Variants in ZMYM4 observed in about 807,000 individuals in gnomAD.
ZMYM4 encodes the protein zinc finger MYM-type containing 4, also known as zinc finger MYM-type protein 4.
A neutral mutation model predicts 183.2 loss-of-function variants in ZMYM4; 31 were observed. That is an observed-to-expected ratio of 0.17 (90% confidence interval 0.13 to 0.23). The LOEUF (loss-of-function observed/expected upper bound fraction) is 0.23. Among genes scored for constraint, ZMYM4 ranks in the 10% least tolerant of loss-of-function variants. ZMYM4 has a pLI of 1.00. For synonymous variants in ZMYM4, 592 were observed against 631.2 expected (o/e 0.94, Z 0.93); for missense variants, 1,273 against 1,840.3 (o/e 0.69, Z 5.64).
chr1:35,356,885 A>G (rs891596387), intron 2 of ZMYM4, among the ~76,000 whole-genome samples: 2 of 151,916 alleles, frequency 1.3e-5, no homozygotes, highest in African/African-American at 4.8e-5. Context: ...AAGCTCAGAA[A>G]AAAAAAAGAA....
At position 35,405,441 on chromosome 1, in the gene ZMYM4, C is replaced by A; in HGVS notation, c.3769C>A (p.Gln1257Lys). The A allele has an allele frequency of 6.2e-7, 1 of 1,612,322 alleles. No homozygotes were observed. The highest frequency in any genetic ancestry group is 1.1e-5 in the South Asian group (1 of 90,626). The change falls in exon 25 of 30, where the codon CAA becomes AAA. Residue 1257 changes from glutamine to lysine, a missense_variant. Physicochemically the swap from Gln to Lys is moderately conservative, Grantham distance 53. Transcript: ENST00000314607. ...LGSTQDHALSQESSEPGCRVR... is the reference protein window; with the variant it reads ...LGSTQDHALSKESSEPGCRVR... ...AAGTACTCAAGACCATGCACTCTCT[C>A]AAGAATCCTCAGAGCCAGGCTGTAG...
At chr1:35,415,067 T>G (rs1029262188) in intron 27 of ZMYM4, among the ~76,000 whole-genome samples, 24 of 152,008 alleles carry the variant, frequency 1.6e-4, no homozygotes, top group Admixed American at 6.6e-4. Flanking sequence ...AAAAGAAAAT[T>G]ATATGACTAT....
chr1:35,326,575 C>T (rs1642512150), intron 2 of ZMYM4, among the ~76,000 whole-genome samples: 1 of 151,984 alleles, frequency 6.6e-6, no homozygotes, highest in Non-Finnish European at 1.5e-5. Flanking sequence ...ATTCATTTTC[C>T]AATCCCCTTA....
At chr1:35,338,598 T>G (rs761422134) in intron 2 of ZMYM4, among the ~76,000 whole-genome samples, 9 of 152,232 alleles carry the variant, frequency 5.9e-5, no homozygotes, top group Non-Finnish European at 1.2e-4. Flanking sequence ...ACTGGTTAAT[T>G]AAAGTTGTGG....
intron 2 of ZMYM4, among the ~76,000 whole-genome samples, chr1:35,333,911 A>G (rs1642863485): frequency 6.6e-6 from 1 of 151,780 alleles, no homozygotes; most frequent in Non-Finnish European, 1.5e-5. Context: ...TTAGGCATTT[A>G]TGTCGTTTAA....
At chr1:35,404,816 A>G (rs531961506) in intron 23 of ZMYM4, 103 of 452,090 alleles carry the variant, frequency 2.3e-4, no homozygotes, top group African/African-American at 1.9e-3. Context: ...GCTCTTCTGC[A>G]TTTAAACTTT....
chr1:35,355,386 C>G (rs1489496865), intron 2 of ZMYM4, among the ~76,000 whole-genome samples: 1 of 151,920 alleles, frequency 6.6e-6, no homozygotes, highest in Non-Finnish European at 1.5e-5. Flanking sequence ...TCATTACCAA[C>G]CTGCTGTGTG....
intron 28 of ZMYM4, among the ~76,000 whole-genome samples, chr1:35,416,467 C>T (rs1640117024): frequency 6.6e-6 from 1 of 152,084 alleles, no homozygotes; most frequent in Non-Finnish European, 1.5e-5. Flanking sequence ...CTGAATTGTT[C>T]ATTTACTAAG....
rs746149012 is a variant in ZMYM4 at position 35,405,203 on chromosome 1, A to G, written c.3700+9A>G. 1 of 1,613,162 alleles carries G rather than the reference A, an allele frequency of 6.2e-7. No homozygotes were observed. Among genetic ancestry groups the G allele is most frequent in the East Asian group, 2.2e-5 (1 of 44,856 alleles). On this transcript the variant is annotated intron_variant, in intron 24 of 29. Transcript: ENST00000314607. Reference sequence around the variant, plus strand: ...GGATCTAAAATGTGGAGGTAAGTGCACAGCATGAATTGTATCTTGATTTAG... The same window carrying G: ...GGATCTAAAATGTGGAGGTAAGTGCGCAGCATGAATTGTATCTTGATTTAG...
At chr1:35,410,732 C>T (rs142253944) in intron 26 of ZMYM4, among the ~76,000 whole-genome samples, 149 of 151,974 alleles carry the variant, frequency 9.8e-4, no homozygotes, top group Non-Finnish European at 1.8e-3. Context: ...CCTCGTGATC[C>T]GCCCACCTCG....
intron 1 of ZMYM4, among the ~76,000 whole-genome samples, chr1:35,271,049 A>T (rs1471956188): frequency 6.6e-6 from 1 of 152,130 alleles, no homozygotes. Context: ...AAATTTTAAA[A>T]TTTTCAAGTT....
intron 2 of ZMYM4, among the ~76,000 whole-genome samples, chr1:35,333,510 G>A (rs955200158): frequency 3.9e-5 from 6 of 152,002 alleles, no homozygotes; most frequent in African/African-American, 1.2e-4. Context: ...TGCCTATCTC[G>A]GCCTCCCAAA....
intron 18 of ZMYM4, among the ~76,000 whole-genome samples, chr1:35,396,279 G>A (rs2149002690): frequency 6.6e-6 from 1 of 152,152 alleles, no homozygotes; most frequent in South Asian, 2.1e-4. Flanking sequence ...TAGGTTCCCT[G>A]TTTCAATCCT....
intron 1 of ZMYM4, among the ~76,000 whole-genome samples, chr1:35,303,276 A>G (rs1641373783): frequency 7.1e-6 from 1 of 140,222 alleles, no homozygotes; most frequent in Non-Finnish European, 1.5e-5. Flanking sequence ...TGACAGAGGG[A>G]TACCTTGTCT....
At chr1:35,395,042 A>G (rs936880251) in intron 18 of ZMYM4, among the ~76,000 whole-genome samples, 2 of 152,230 alleles carry the variant, frequency 1.3e-5, no homozygotes, top group African/African-American at 4.8e-5. Flanking sequence ...TTGCTTCTCA[A>G]AGATTAATAT....
At chr1:35,363,658 C>A (rs1317095445) in intron 5 of ZMYM4, among the ~76,000 whole-genome samples, 3 of 151,922 alleles carry the variant, frequency 2.0e-5, no homozygotes, top group Admixed American at 2.0e-4. Flanking sequence ...AGTATACTTG[C>A]TACAAAGAAG....
intron 7 of ZMYM4, among the ~76,000 whole-genome samples, chr1:35,371,895 T>C (rs1644222527): frequency 6.6e-6 from 1 of 152,202 alleles, no homozygotes; most frequent in South Asian, 2.1e-4. Flanking sequence ...ATACTGTAAT[T>C]TATATATACA....
At chr1:35,280,561 T>C (rs1214753893) in intron 1 of ZMYM4, among the ~76,000 whole-genome samples, 1 of 152,232 alleles carries the variant, frequency 6.6e-6, no homozygotes, top group Admixed American at 6.5e-5. Flanking sequence ...AAGAAATTTA[T>C]CATCTCACAG....
intron 29 of ZMYM4, among the ~76,000 whole-genome samples, chr1:35,418,950 C>G (rs138854137): frequency 1.5e-3 from 221 of 152,198 alleles, no homozygotes; most frequent in African/African-American, 5.0e-3. Flanking sequence ...TAGTCCTTTT[C>G]TTAGAGGAAC....
Sources: allele counts gnomAD v4.1 joint callset (sites outside exome capture counted in the v4.1 genomes callset), GRCh38; gene constraint gnomAD v4.1.1; transcripts MANE v1.5; gene names NCBI Gene and HGNC (gene_info 2026-07-23, HGNC 2026-07-21).